The following DAB2 variants were observed in gnomAD, a reference collection of about 807,000 sequenced individuals.
DAB2 encodes the protein disabled homolog 2.
DAB2 carries 28 observed loss-of-function variants against 71.6 expected under a neutral mutation model. The observed-to-expected ratio is 0.39, with a 90% confidence interval of 0.29 to 0.54. The LOEUF (loss-of-function observed/expected upper bound fraction) is 0.54. DAB2 is among the 20% of genes least tolerant of loss of function. The pLI is 0.68. For missense variants in DAB2, 867 were observed against 928.8 expected, an observed-to-expected ratio of 0.93 and a Z score of 0.86; for synonymous variants, 345 against 339.7, an observed-to-expected ratio of 1.02 and a Z score of -0.17.
chr5:39,373,792 G>C (rs765841987), intron 14 of DAB2, among the ~76,000 whole-genome samples: 1 of 152,090 alleles, frequency 6.6e-6, no homozygotes, highest in South Asian at 2.1e-4. Context: ...TATTGGTTTG[G>C]GTATATCTCC....
At chr5:39,404,728 A>G (rs2112087230) in intron 1 of DAB2, among the ~76,000 whole-genome samples, 1 of 152,140 alleles carries the variant, frequency 6.6e-6, no homozygotes, top group East Asian at 1.9e-4. Flanking sequence ...ACAGGTGCCC[A>G]CCACTAGGCC....
intron 1 of DAB2, chr5:39,417,263 T>G (rs1755869725): frequency 6.6e-6 from 1 of 151,692 alleles, no homozygotes; most frequent in African/African-American, 2.4e-5. Flanking sequence ...AAACTGCATG[T>G]TCTCCACATG....
rs1266689800 is a variant in DAB2, at chr5:39,422,311, A to G, written c.-102+2493T>C. 6.6e-6 allele frequency among the ~76,000 whole-genome samples: 1 copy of G among 152,214 alleles called. No homozygotes were observed. On this transcript the variant is annotated intron_variant, in intron 1 of 14. Coordinates refer to ENST00000320816, the MANE Select transcript of DAB2 (RefSeq NM_001343.4). This position sits in a 1 kb window ranked among gnomAD's most constrained non-coding sequence, Gnocchi z 4.1. ...GTTAGTTACCTAAACCTTCCTGGCC[A>G]GTAAGCTTTCGAATCTTTCCAGCTG...
chr5:39,405,678 G>A (rs1023401050), intron 1 of DAB2, among the ~76,000 whole-genome samples: 3 of 152,208 alleles, frequency 2.0e-5, no homozygotes, highest in African/African-American at 7.2e-5. Flanking sequence ...TCTGTATTTG[G>A]AGGTTGCTAG....
rs546460254 is a variant in DAB2 at position 39,383,258 on chromosome 5, A to G, written c.701T>C (p.Ile234Thr). ...DLNSPTESKD[I>T]LLVDLNSEID... ...TTCAGAGTTTAGATCCACTAACAGGATATCTTTGCTTTCCTATCACATTTG... is the reference window on the plus strand; with the variant it reads ...TTCAGAGTTTAGATCCACTAACAGGGTATCTTTGCTTTCCTATCACATTTG... The change falls in exon 10 of 15, where the codon ATC (isoleucine) becomes ACC (threonine). Residue 234 changes from isoleucine (I) to threonine (T), a missense_variant. Physicochemically the swap from Ile to Thr is moderately conservative, Grantham distance 89. Around this residue, in one of 2 missense-constraint regions of DAB2, gnomAD observed 740 missense variants for 734.3 expected, o/e 1.01. Transcript: ENST00000320816. 2 of 1,604,712 alleles carry G rather than the reference A, an allele frequency of 1.2e-6. No individual in the cohort carries two copies. The highest frequency in any genetic ancestry group is 8.5e-7 in the Non-Finnish European group (1 of 1,174,146).
intron 2 of DAB2, 73 bp downstream of exon 2, chr5:39,394,157 T>A: frequency 8.1e-7 from 1 of 1,241,154 alleles, no homozygotes. Context: ...CTTACTTTAT[T>A]CTGAATCTCA....
rs780770174 is a variant in DAB2, at chr5:39,375,060, A to T, written c.2272T>A (p.Ser758Thr). The T allele has an allele frequency of 1.2e-6, 2 of 1,611,744 alleles. No homozygotes were observed. Among genetic ancestry groups the T allele is most frequent in the Non-Finnish European group, 1.7e-6 (2 of 1,178,494 alleles). The change falls in exon 14 of 15, where the codon TCT (serine) becomes ACT (threonine). Residue 758 changes from serine to threonine, a missense_variant. Ser to Thr is a moderately conservative substitution (Grantham distance 58, BLOSUM62 1). This residue lies in a region of DAB2 where 740 missense variants were observed against 734.3 expected (regional missense o/e 1.01). Transcript: ENST00000320816. ...CCAAATGGATCCCTATACATCTCAG[A>T]AGATACAGGTTGAGAAGAAGCCACC... ...ASVASSQPVS[S>T]EMYRDPFGNP... is the part of the protein sequence containing the mutation.
chr5:39,396,867 G>A (rs1755380103), intron 1 of DAB2, among the ~76,000 whole-genome samples: 1 of 152,220 alleles, frequency 6.6e-6, no homozygotes, highest in Admixed American at 6.5e-5. Context: ...AGGTGTGGAA[G>A]GGTGTATGTG....
Position 39,392,477 on chromosome 5 carries a change from A to G in DAB2, c.232-14T>C, listed in dbSNP as rs753523223. On this transcript the variant is annotated splice_polypyrimidine_tract_variant and intron_variant, in intron 3 of 14. Transcript: ENST00000320816. ...TGCCGCCATTCCCTGATGAGGGTGG[A>G]AAAACAAGAGAAGTTGAATTTTTAA... 4 of 1,588,578 alleles carry G rather than the reference A, an allele frequency of 2.5e-6. No individual in the cohort carries two copies. The highest frequency in any genetic ancestry group is 3.5e-6 in the Non-Finnish European group (4 of 1,157,222).
Position 39,381,624 on chromosome 5 carries a change from G to C in DAB2, c.1342-8C>G. 8.7e-6 allele frequency: 14 copies of C among 1,613,768 alleles called. No homozygotes were observed. The highest frequency in any genetic ancestry group is 1.2e-5 in the Non-Finnish European group (14 of 1,179,838). On this transcript the variant is annotated splice_region_variant and splice_polypyrimidine_tract_variant and intron_variant, in intron 10 of 14. Transcript: ENST00000320816. ...CAAGTCATTGGCTGAAGACTGACAGGACAGGGAGGGAGGGAGAAGCCTTAG... is the reference window on the plus strand; with the variant it reads ...CAAGTCATTGGCTGAAGACTGACAGCACAGGGAGGGAGGGAGAAGCCTTAG...
At chr5:39,414,745 A>G (rs945191643) in intron 1 of DAB2, among the ~76,000 whole-genome samples, 6 of 151,932 alleles carry the variant, frequency 3.9e-5, no homozygotes, top group Admixed American at 3.9e-4. Flanking sequence ...TGTTTTACTT[A>G]TACCAACAGA....
chr5:39,383,741 C>T (rs1285515128), intron 9 of DAB2, among the ~76,000 whole-genome samples: 7 of 152,114 alleles, frequency 4.6e-5, no homozygotes, highest in African/African-American at 7.2e-5. Flanking sequence ...TCTATTGTAC[C>T]CCCAGAGTCA....
At chr5:39,377,670 T>C (rs576391666) in intron 11 of DAB2, among the ~76,000 whole-genome samples, 1 of 152,316 alleles carries the variant, frequency 6.6e-6, no homozygotes, top group Admixed American at 6.5e-5. Context: ...TAAGTGAATA[T>C]ATTTTTATGC....
At chr5:39,377,478 T>C (rs1209891144) in intron 11 of DAB2, among the ~76,000 whole-genome samples, 196 bp from the exon 12 acceptor site, 1 of 152,156 alleles carries the variant, frequency 6.6e-6, no homozygotes, top group East Asian at 1.9e-4. Context: ...AGCATTCAAA[T>C]GCTGGTTGCA....
chr5:39,381,299 G>A (rs748265851), intron 11 of DAB2, among the ~76,000 whole-genome samples, 155 bp downstream of exon 11: 4 of 152,214 alleles, frequency 2.6e-5, no homozygotes, highest in African/African-American at 4.8e-5. Context: ...TCAAATGGAT[G>A]TGGGGTTGTA....
chr5:39,414,522 T>A (rs1270394886), intron 1 of DAB2, among the ~76,000 whole-genome samples: 1 of 152,056 alleles, frequency 6.6e-6, no homozygotes, highest in Non-Finnish European at 1.5e-5. Context: ...GGTGATTACA[T>A]CCATCAGGTC....
intron 1 of DAB2, chr5:39,417,584 A>T (rs1411465226): frequency 1.3e-5 from 2 of 152,174 alleles, no homozygotes; most frequent in African/African-American, 2.4e-5. Context: ...CTCCCTCTGG[A>T]TCCACACAAC....
chr5:39,420,750 T>TAG (rs1755962343), intron 1 of DAB2, among the ~76,000 whole-genome samples: 1 of 152,156 alleles, frequency 6.6e-6, no homozygotes. Flanking sequence ...GTGATATAAG[T>TAG]AGAGAGGAGA....
intron 9 of DAB2, 40 bp from the exon 10 acceptor site, chr5:39,383,311 C>T (rs1320756362): frequency 1.4e-6 from 2 of 1,432,038 alleles, no homozygotes; most frequent in East Asian, 2.3e-5. Flanking sequence ...AGTGTTAGTC[C>T]ATGTTGTGAC....
Sources: allele counts gnomAD v4.1 joint callset (sites outside exome capture counted in the v4.1 genomes callset), GRCh38; gene constraint gnomAD v4.1.1; regional missense constraint gnomAD v4.1.1; non-coding constraint Gnocchi (gnomAD v3.1); transcripts MANE v1.5; gene names NCBI Gene and HGNC (gene_info 2026-07-23, HGNC 2026-07-21).